The following HHLA1 variants were observed in gnomAD, a reference collection of about 807,000 sequenced individuals.
HHLA1 encodes HHLA1 neighbor of OC90.
HHLA1 carries 72 observed loss-of-function variants against 69.9 expected under a neutral mutation model. The observed-to-expected ratio is 1.03, with a 90% confidence interval of 0.85 to 1.25. HHLA1 has a LOEUF of 1.25. Ranked by LOEUF, HHLA1 falls within the 50% of genes most tolerant of loss-of-function variation. The probability of loss-of-function intolerance (pLI) is 0.00; values close to 1 mark genes in which losing one functional copy is unlikely to be tolerated. For synonymous variants in HHLA1, 252 were observed against 233.2 expected (o/e 1.08, Z -0.73); for missense variants, 685 against 642.2 (o/e 1.07, Z -0.72).
At chr8:132,079,406 G>T (rs1315354274) in intron 11 of HHLA1, among the ~76,000 whole-genome samples, 2 of 152,222 alleles carry the variant, frequency 1.3e-5, no homozygotes, top group Non-Finnish European at 2.9e-5. Context: ...TAGCATTGAA[G>T]GAGGCTGGGT....
At chr8:132,078,685 G>C (rs1385034664) in intron 11 of HHLA1, among the ~76,000 whole-genome samples, 1 of 152,040 alleles carries the variant, frequency 6.6e-6, no homozygotes, top group South Asian at 2.1e-4. Flanking sequence ...CATAACTATT[G>C]GTTTACTTGC....
intron 7 of HHLA1, among the ~76,000 whole-genome samples, chr8:132,094,008 G>A (rs1437205247): frequency 6.6e-6 from 1 of 152,076 alleles, no homozygotes; most frequent in African/African-American, 2.4e-5. Context: ...TACTCAGTGG[G>A]GGAAATAATC....
At chr8:132,109,718 T>A (rs1389392922) in intron 1 of HHLA1, among the ~76,000 whole-genome samples, 1 of 152,148 alleles carries the variant, frequency 6.6e-6, no homozygotes, top group Non-Finnish European at 1.5e-5. Flanking sequence ...TGAACCATGG[T>A]CTCTCAGATA....
intron 15 of HHLA1, chr8:132,070,247 T>C: frequency 2.9e-6 from 2 of 685,906 alleles, no homozygotes; most frequent in Non-Finnish European, 2.7e-6. Context: ...CCAGAAGAAA[T>C]AACAGTATGT....
intron 7 of HHLA1, among the ~76,000 whole-genome samples, chr8:132,092,100 T>G (rs981890679): frequency 6.6e-6 from 1 of 152,332 alleles, no homozygotes; most frequent in Admixed American, 6.5e-5. Context: ...AATGAAATGG[T>G]TTTTTTAAGA....
chr8:132,083,202 C>G (rs1364745190), intron 10 of HHLA1, among the ~76,000 whole-genome samples: 2 of 152,026 alleles, frequency 1.3e-5, no homozygotes, highest in Non-Finnish European at 2.9e-5. Flanking sequence ...GTTAAAGTAT[C>G]TCAGCCTAAT....
intron 14 of HHLA1, among the ~76,000 whole-genome samples, chr8:132,073,166 A>C (rs547024474): frequency 3.3e-4 from 50 of 152,068 alleles, no homozygotes; most frequent in Admixed American, 3.3e-3. Flanking sequence ...TCTTGTAGAG[A>C]TGGGGCCTTG....
chr8:132,082,307 G>C (rs1823766269), intron 10 of HHLA1, among the ~76,000 whole-genome samples: 1 of 152,216 alleles, frequency 6.6e-6, no homozygotes, highest in East Asian at 1.9e-4. Context: ...CATTAAAGCA[G>C]CAGCAGCCGC....
chr8:132,110,446 T>TA (rs1824277978), intron 1 of HHLA1, among the ~76,000 whole-genome samples: 1 of 152,218 alleles, frequency 6.6e-6, no homozygotes, highest in Non-Finnish European at 1.5e-5. Flanking sequence ...GGCTGGCTTT[T>TA]AAAAAATACC....
intron 14 of HHLA1, among the ~76,000 whole-genome samples, chr8:132,072,291 C>T (rs1471746328): frequency 6.6e-6 from 1 of 152,128 alleles, no homozygotes; most frequent in Non-Finnish European, 1.5e-5. Context: ...GCTACACCTA[C>T]ATTTCCTTAT....
chr8:132,082,007 G>T (rs1249052333), intron 10 of HHLA1, among the ~76,000 whole-genome samples: 1 of 152,138 alleles, frequency 6.6e-6, no homozygotes, highest in East Asian at 1.9e-4. Context: ...ATCAGGGTGA[G>T]GAACAGGAAA....
rs182650376 is a variant in HHLA1 at position 132,068,347 on chromosome 8, A to G, written c.1470-2379T>C. Reference sequence around the variant, plus strand: ...TCAGGAGAGAAACTATTTAAACACGACATGTCCCATCCCCAAGCTTTCTGG... The same window carrying G: ...TCAGGAGAGAAACTATTTAAACACGGCATGTCCCATCCCCAAGCTTTCTGG... On this transcript the variant is annotated intron_variant, in intron 15 of 16. Transcript: ENST00000414222. 4.8e-3 allele frequency among the ~76,000 whole-genome samples: 728 copies of G among 152,316 alleles called. 2 individuals are homozygous for G. The highest frequency in any genetic ancestry group is 7.6e-3 in the Non-Finnish European group (516 of 68,036).
At chr8:132,092,462 A>G (rs1823961847) in intron 7 of HHLA1, among the ~76,000 whole-genome samples, 1 of 152,080 alleles carries the variant, frequency 6.6e-6, no homozygotes, top group Non-Finnish European at 1.5e-5. Context: ...GCGTGGTGGG[A>G]GGTGATTGGA....
At chr8:132,072,975 A>G (rs1357153780) in intron 14 of HHLA1, among the ~76,000 whole-genome samples, 6 of 152,052 alleles carry the variant, frequency 3.9e-5, no homozygotes, top group Non-Finnish European at 8.8e-5. Flanking sequence ...GACTACATAA[A>G]TCTTTTCCCC....
intron 12 of HHLA1, among the ~76,000 whole-genome samples, chr8:132,077,420 C>G (rs1428713885): frequency 6.6e-6 from 1 of 152,012 alleles, no homozygotes; most frequent in Non-Finnish European, 1.5e-5. Flanking sequence ...CCGGGTCCAT[C>G]CATCACAGTT....
At chr8:132,095,393 C>T (rs1824005953) in intron 7 of HHLA1, 126 bp downstream of exon 7, 1 of 557,976 alleles carries the variant, frequency 1.8e-6, no homozygotes, top group African/African-American at 1.9e-5. Flanking sequence ...AATGAATGAG[C>T]ACATGGTTAA....
chr8:132,065,572 G>A (rs1049702783), intron 16 of HHLA1, among the ~76,000 whole-genome samples: 31 of 152,330 alleles, frequency 2.0e-4, no homozygotes, highest in African/African-American at 4.1e-4. Flanking sequence ...GTGAGCCACC[G>A]CGCCCAGCCT....
chr8:132,088,127 T>C (rs1258418430), intron 8 of HHLA1, among the ~76,000 whole-genome samples: 1 of 152,220 alleles, frequency 6.6e-6, no homozygotes, highest in Non-Finnish European at 1.5e-5. Context: ...GGTCAGCTTC[T>C]AGGGTTACAT....
Position 132,076,506 on chromosome 8 carries a change from G to A in HHLA1, c.1209C>T (p.Thr403=). ...FTHGTQTPSP[T]KATAPRYPQT... ...GTGGATATCTGGGGGCTGTTGCCTT[G>A]GTTGGACTCGGAGTCTGTGTGCCAT... is the stretch of plus-strand genomic sequence containing the variant. The change falls in exon 13 of 17, where the codon ACC becomes ACT. Residue 403 remains threonine, a synonymous_variant. Transcript: ENST00000414222. 1 of 1,537,500 alleles carries A rather than the reference G, an allele frequency of 6.5e-7. No individual in the cohort carries two copies. The highest frequency in any genetic ancestry group is 8.8e-7 in the Non-Finnish European group (1 of 1,142,486).
Sources: allele counts gnomAD v4.1 joint callset (sites outside exome capture counted in the v4.1 genomes callset), GRCh38; gene constraint gnomAD v4.1.1; transcripts MANE v1.5; gene names NCBI Gene and HGNC (gene_info 2026-07-23, HGNC 2026-07-21).